Variants in AAGAB observed in about 807,000 individuals in gnomAD.
AAGAB encodes alpha and gamma adaptin binding protein.
AAGAB carries 38 observed loss-of-function variants against 44.1 expected under a neutral mutation model. The observed-to-expected ratio is 0.86, with a 90% CI of 0.67 to 1.13. The LOEUF is 1.13. Among genes scored for constraint, AAGAB ranks in the 50% most tolerant of loss-of-function variants. The pLI, the probability that AAGAB is intolerant of heterozygous loss-of-function variation, is 0.00. For missense variants in AAGAB, 450 were observed against 373.8 expected, an observed-to-expected ratio of 1.20 and a Z score of -1.68; for synonymous variants, 131 against 131.8, an observed-to-expected ratio of 0.99 and a Z score of 0.04.
At chr15:67,234,125 C>T (rs912815992) in intron 4 of AAGAB, among the ~76,000 whole-genome samples, 1 of 149,738 alleles carries the variant, frequency 6.7e-6, no homozygotes, top group Non-Finnish European at 1.5e-5. Context: ...TGGTGGCGGG[C>T]GCCTGCAGTC....
intron 1 of AAGAB, among the ~76,000 whole-genome samples, chr15:67,251,199 ATTC>A (rs2140402254): frequency 6.6e-6 from 1 of 151,090 alleles, no homozygotes; most frequent in Non-Finnish European, 1.5e-5. Context: ...AGGCCTACTG[ATTC>A]TTATTTTAAG....
chr15:67,214,891 T>C lies in AAGAB; in HGVS notation c.536-5347A>G, dbSNP rs150331935. On this transcript the variant is annotated intron_variant, in intron 5 of 9. Coordinates refer to ENST00000261880, the MANE Select transcript of AAGAB (RefSeq NM_024666.5). Reference sequence around the variant, plus strand: ...TCCTGACCTCGTGATCTGCCCGCCTTGGCCTCCCAAAGTGCTGGGATTACA... The same window carrying C: ...TCCTGACCTCGTGATCTGCCCGCCTCGGCCTCCCAAAGTGCTGGGATTACA... Among the ~76,000 whole-genome samples the C allele has an allele frequency of 7.5e-3, 1,139 of 151,968 alleles. 4 individuals carry two copies. The highest frequency in any genetic ancestry group is 0.027 in the Middle Eastern group (8 of 294).
chr15:67,201,177 C>CG lies in AAGAB; in HGVS notation c.*1643_*1644insC, dbSNP rs1480996213. The CG allele has an allele frequency of 2.9e-5, 4 of 139,584 alleles. No homozygotes were observed. In the East Asian group the frequency reaches 6.0e-4, roughly 21 times the overall value. The allele number at this position is 139,584 out of a possible 1,614,324, so 8.6% of individuals were successfully genotyped here. A position where few individuals can be genotyped will look rare whatever the true frequency, so the allele number is the denominator to read the frequency against. ...ATCTTTTAAGGAAAACATGTTCCAC[C>CG]TTTTTTTTTTTTTTGCAATCCCAGA... On this transcript the variant is annotated 3_prime_UTR_variant, in exon 10 of 10. Coordinates refer to ENST00000261880, the MANE Select transcript of AAGAB (RefSeq NM_024666.5).
At chr15:67,216,442 G>GAAAAAAAAAAAAAA (rs60381455) in intron 5 of AAGAB, among the ~76,000 whole-genome samples, 1 of 52,158 alleles carries the variant, frequency 1.9e-5, no homozygotes, top group Admixed American at 3.4e-4. Context: ...ACTCACTCTT[G>GAAAAAAAAAAAAAA]AAAAAAAAAA....
intron 1 of AAGAB, among the ~76,000 whole-genome samples, chr15:67,240,590 G>A (rs1006934278): frequency 6.6e-6 from 1 of 152,190 alleles, no homozygotes; most frequent in African/African-American, 2.4e-5. Context: ...AGTTCTAGTA[G>A]CAAACATAAA....
At position 67,202,901 on chromosome 15, in the gene AAGAB, G is replaced by T; in HGVS notation, c.871-3C>A. ...GCCATCCAGAATGCTTTGGCCACCT[G>T]TGGAGAGAAGCATGCAACAAATTTT... On this transcript the variant is annotated splice_polypyrimidine_tract_variant and splice_region_variant and intron_variant, in intron 9 of 9. Transcript: ENST00000261880. 1 of 1,614,002 alleles carries T rather than the reference G, an allele frequency of 6.2e-7. No homozygotes were observed. Among genetic ancestry groups the T allele is most frequent in the African/African-American group, 1.3e-5 (1 of 75,024 alleles).
intron 1 of AAGAB, among the ~76,000 whole-genome samples, chr15:67,253,986 G>A (rs1341305765): frequency 2.0e-5 from 3 of 152,162 alleles, no homozygotes; most frequent in Non-Finnish European, 2.9e-5. Flanking sequence ...GGGTCTACAA[G>A]CAAAAGCACT....
intron 1 of AAGAB, among the ~76,000 whole-genome samples, chr15:67,253,792 T>G (rs895850314): frequency 6.0e-5 from 9 of 151,018 alleles, no homozygotes; most frequent in Non-Finnish European, 1.2e-4. Context: ...GGAATGTAGG[T>G]AGGTTAGGTG....
At position 67,236,215 on chromosome 15, in the gene AAGAB, C is replaced by A. The variant is rs1350087005; in HGVS notation, c.362-147G>T. 5 of 834,212 alleles carry A rather than the reference C, an allele frequency of 6.0e-6. No homozygotes were observed. The South Asian group carries it at 7.5e-5, about 13-fold the overall frequency. 51.7% of individuals were successfully genotyped at this position (834,212 alleles called of 1,614,324 possible). On this transcript the variant is annotated intron_variant, in intron 3 of 9. Transcript: ENST00000261880. ...TAAAATAATAAAAAGAAAATGACTT[C>A]TCAGCCCCGAAGTATCCATTCTTAA... is the stretch of plus-strand genomic sequence containing the variant.
At position 67,217,501 on chromosome 15, in the gene AAGAB, C is replaced by T. The variant is rs559392591; in HGVS notation, c.536-7957G>A. On this transcript the variant is annotated intron_variant, in intron 5 of 9. Transcript: ENST00000261880. ...CCATCTGCTTTCTCAGGAGAGCAGC[C>T]CAAGTATCACAGATAGACCTTGTGT... 2.1e-4 allele frequency among the ~76,000 whole-genome samples: 32 copies of T among 152,204 alleles called. No homozygotes were observed. The South Asian group carries it at 5.8e-3, about 28-fold the overall frequency.
rs35166457 is a variant in AAGAB at position 67,253,260 on chromosome 15, CGGGGG to C, written c.73+1294_73+1298del. ...GGCAACATGGCCAAACCCCGTATGA[CGGGGG>C]GGGGGGGGGGCAATTAGCCGGGCGT... is the stretch of plus-strand genomic sequence containing the variant. On this transcript the variant is annotated intron_variant, in intron 1 of 9. Coordinates refer to ENST00000261880, the MANE Select transcript of AAGAB (RefSeq NM_024666.5). Among the ~76,000 whole-genome samples the C allele has an allele frequency of 1.7e-3, 138 of 81,922 alleles. 9 individuals are homozygous for C. The highest frequency in any genetic ancestry group is 7.8e-3 in the African/African-American group (127 of 16,332). 53.7% of individuals were successfully genotyped at this position (81,922 alleles called of 152,430 possible).
At chr15:67,253,709 G>C (rs185226006) in intron 1 of AAGAB, among the ~76,000 whole-genome samples, 31 of 151,332 alleles carry the variant, frequency 2.0e-4, no homozygotes, top group Non-Finnish European at 1.9e-4. Flanking sequence ...AGCTATGATC[G>C]CATCACTGCA....
chr15:67,254,865 C>T (rs2140412618), upstream of AAGAB: 2 of 1,609,668 alleles, frequency 1.2e-6, no homozygotes, highest in Non-Finnish European at 8.5e-7. Flanking sequence ...GAAACCGCGC[C>T]TCCGCGGAGG....
Position 67,237,025 on chromosome 15 carries a change from G to C in AAGAB, c.74-205C>G, listed in dbSNP as rs142277494. 6.8e-4 allele frequency among the ~76,000 whole-genome samples: 104 copies of C among 152,132 alleles called. 4 individuals carry two copies. In the East Asian group the frequency reaches 0.012, roughly 18 times the overall value. ...TTATGGTGATATAATTTAAGTCATT[G>C]ACATTTTCTCTTTAAGAACACAAAA... On this transcript the variant is annotated intron_variant, in intron 1 of 9. Coordinates refer to ENST00000261880, the MANE Select transcript of AAGAB (RefSeq NM_024666.5).
Position 67,236,835 on chromosome 15 carries a change from C to T in AAGAB, c.74-15G>A. Reference sequence around the variant, plus strand: ...TCCAAGGATATCTAAAAATAAATGACAACATTACCATGTAAAGTGCAAAAC... The same window carrying T: ...TCCAAGGATATCTAAAAATAAATGATAACATTACCATGTAAAGTGCAAAAC... On this transcript the variant is annotated splice_polypyrimidine_tract_variant and intron_variant, in intron 1 of 9. Transcript: ENST00000261880. 6.3e-7 allele frequency: 1 copy of T among 1,587,540 alleles called. No individual in the cohort carries two copies.
upstream of AAGAB, chr15:67,254,904 A>G (rs750789718): frequency 5.0e-6 from 8 of 1,613,866 alleles, no homozygotes; most frequent in South Asian, 4.4e-5. Flanking sequence ...GCCATGGCAC[A>G]GAACACTGAA....
At chr15:67,211,140 G>A (rs1220708975) in intron 5 of AAGAB, among the ~76,000 whole-genome samples, 2 of 152,196 alleles carry the variant, frequency 1.3e-5, no homozygotes, top group Non-Finnish European at 2.9e-5. Flanking sequence ...CTGCTAGGCT[G>A]TAGCCTGCAG....
chr15:67,229,474 C>CA (rs1276099038), intron 5 of AAGAB, among the ~76,000 whole-genome samples: 2 of 149,304 alleles, frequency 1.3e-5, no homozygotes, highest in African/African-American at 2.5e-5. Context: ...AAAAAAAACC[C>CA]AAAAAAACTC....
At chr15:67,229,159 C>T (rs770244209) in intron 5 of AAGAB, among the ~76,000 whole-genome samples, 1 of 152,096 alleles carries the variant, frequency 6.6e-6, no homozygotes, top group East Asian at 1.9e-4. Flanking sequence ...GAGGGCCAGG[C>T]GGGGTGGCTC....
Sources: allele counts gnomAD v4.1 joint callset (sites outside exome capture counted in the v4.1 genomes callset), GRCh38; gene constraint gnomAD v4.1.1; transcripts MANE v1.5; gene names NCBI Gene and HGNC (gene_info 2026-07-23, HGNC 2026-07-21).